GRIK2: variants seen among roughly 807,000 people sequenced by gnomAD.
GRIK2 encodes the protein glutamate receptor ionotropic, kainate 2.
Under a neutral mutation model 100.3 loss-of-function variants are expected in GRIK2, and 32 were observed. The observed-to-expected ratio is 0.32, with a 90% CI of 0.24 to 0.43. The LOEUF (loss-of-function observed/expected upper bound fraction) is 0.43, where lower values mean the gene tolerates loss of function less well. Ranked by LOEUF, GRIK2 falls within the 20% of genes least tolerant of loss-of-function variation. The probability of loss-of-function intolerance (pLI) is 1.00; values close to 1 mark genes in which losing one functional copy is unlikely to be tolerated. For synonymous variants in GRIK2, 417 were observed against 389.4 expected (o/e 1.07, Z -0.83); for missense variants, 843 against 1,114.9 (o/e 0.76, Z 3.47).
intron 9 of GRIK2, among the ~76,000 whole-genome samples, chr6:101,807,597 C>CTG (rs1757736877): frequency 6.6e-6 from 1 of 151,758 alleles, no homozygotes; most frequent in Non-Finnish European, 1.5e-5. Context: ...CTCAGGTGTG[C>CTG]TGTGATTGGA....
chr6:101,569,553 T>A (rs1387877909), intron 2 of GRIK2, among the ~76,000 whole-genome samples: 2 of 151,916 alleles, frequency 1.3e-5, no homozygotes, highest in African/African-American at 4.8e-5. Context: ...AGTGTGTTTG[T>A]AAACACATGT....
At chr6:101,487,624 A>G (rs1772896879) in intron 2 of GRIK2, among the ~76,000 whole-genome samples, 1 of 147,068 alleles carries the variant, frequency 6.8e-6, no homozygotes, top group African/African-American at 2.6e-5. Flanking sequence ...GTAGTACACA[A>G]AATATAATAT....
At chr6:101,750,410 C>A (rs1310429739) in intron 7 of GRIK2, among the ~76,000 whole-genome samples, 1 of 152,056 alleles carries the variant, frequency 6.6e-6, no homozygotes. Context: ...CTCACCGAGG[C>A]CCAGATAAAT....
chr6:101,796,800 C>T (rs767922761), intron 7 of GRIK2, among the ~76,000 whole-genome samples: 2 of 152,070 alleles, frequency 1.3e-5, no homozygotes, highest in Non-Finnish European at 2.9e-5. Context: ...CTTACCTTAC[C>T]CTTCCAAGTA....
chr6:101,987,583 A>T (rs1278760758), intron 14 of GRIK2, among the ~76,000 whole-genome samples: 3 of 151,056 alleles, frequency 2.0e-5, no homozygotes, highest in Non-Finnish European at 4.4e-5. Context: ...ATGACATCCT[A>T]TTAAACACTA....
At chr6:101,839,808 CT>C (rs1324436908) in intron 10 of GRIK2, among the ~76,000 whole-genome samples, 41 of 151,890 alleles carry the variant, frequency 2.7e-4, no homozygotes, top group Admixed American at 2.7e-3. Context: ...AGGAAGACAT[CT>C]TTCTGATAAA....
At chr6:101,624,148 A>G (rs1055337007) in intron 3 of GRIK2, among the ~76,000 whole-genome samples, 46 of 152,080 alleles carry the variant, frequency 3.0e-4, no homozygotes, top group African/African-American at 9.4e-4. Flanking sequence ...TAGAGCTTGA[A>G]TTATTGTTTG....
chr6:101,506,182 C>T (rs1442669560), intron 2 of GRIK2, among the ~76,000 whole-genome samples: 1 of 152,146 alleles, frequency 6.6e-6, no homozygotes, highest in Non-Finnish European at 1.5e-5. Context: ...TTAACATCCA[C>T]TAGCTGAACT....
chr6:101,433,629 G>A (rs560124951), intron 2 of GRIK2, among the ~76,000 whole-genome samples: 29 of 151,752 alleles, frequency 1.9e-4, no homozygotes, highest in Admixed American at 7.9e-4. Context: ...CCTACCTCAG[G>A]TACTATTCTT....
intron 2 of GRIK2, among the ~76,000 whole-genome samples, chr6:101,598,990 G>A (rs1343567072): frequency 2.0e-5 from 3 of 151,580 alleles, no homozygotes; most frequent in Non-Finnish European, 2.9e-5. Flanking sequence ...GCTGAGGTTT[G>A]GGATATTAAT....
In GRIK2 at chr6:101,935,226, A is replaced by G. The variant is rs147999692; in HGVS notation, c.2085+6594A>G. Reference sequence around the variant, plus strand: ...TTATGGTACTTCAGTAAGTATAGGGAGGATGTGTAAATAGCTACTCACTTG... The same window carrying G: ...TTATGGTACTTCAGTAAGTATAGGGGGGATGTGTAAATAGCTACTCACTTG... On this transcript the variant is annotated intron_variant, in intron 14 of 16. Transcript: ENST00000369134. Among the ~76,000 whole-genome samples the G allele has an allele frequency of 2.6e-4, 40 of 152,054 alleles. No individual in the cohort carries two copies. In the East Asian group the frequency reaches 7.5e-3, roughly 29 times the overall value.
chr6:101,863,861 G>C (rs1163879411), intron 11 of GRIK2, among the ~76,000 whole-genome samples: 2 of 152,146 alleles, frequency 1.3e-5, no homozygotes, highest in Non-Finnish European at 2.9e-5. Context: ...GGATTGGCCG[G>C]GCGCGGTGGC....
At chr6:101,674,305 G>A (rs1265094551) in intron 4 of GRIK2, among the ~76,000 whole-genome samples, 2 of 152,144 alleles carry the variant, frequency 1.3e-5, no homozygotes, top group Admixed American at 1.3e-4. Context: ...ATTCTAAATT[G>A]GTTGTTTAGA....
chr6:101,885,834 C>T (rs1182467391), intron 11 of GRIK2, among the ~76,000 whole-genome samples: 1 of 151,932 alleles, frequency 6.6e-6, no homozygotes, highest in Non-Finnish European at 1.5e-5. Flanking sequence ...TTTCCATTTC[C>T]ATACACATTT....
At chr6:101,817,394 T>G (rs2128421412) in intron 9 of GRIK2, among the ~76,000 whole-genome samples, 1 of 152,350 alleles carries the variant, frequency 6.6e-6, no homozygotes, top group South Asian at 2.1e-4. Context: ...TTGATAGTTT[T>G]CCTTTTCTTT....
chr6:101,692,112 G>C (rs1292098200), intron 7 of GRIK2, among the ~76,000 whole-genome samples: 2 of 146,470 alleles, frequency 1.4e-5, no homozygotes, highest in East Asian at 2.0e-4. Flanking sequence ...GAACAGAACA[G>C]ACAGGCTTTT....
intron 2 of GRIK2, among the ~76,000 whole-genome samples, chr6:101,544,051 C>T (rs370679448): frequency 8.1e-4 from 123 of 152,192 alleles, no homozygotes; most frequent in South Asian, 4.6e-3. Context: ...AATAAACAGA[C>T]ACTAGGTTTT....
At chr6:101,808,182 T>C (rs1781120848) in intron 9 of GRIK2, among the ~76,000 whole-genome samples, 1 of 151,992 alleles carries the variant, frequency 6.6e-6, no homozygotes, top group Admixed American at 6.6e-5. Flanking sequence ...AGGAAGATCT[T>C]AGACTGTAAC....
At chr6:101,528,079 T>G (rs1314075789) in intron 2 of GRIK2, among the ~76,000 whole-genome samples, 2 of 152,068 alleles carry the variant, frequency 1.3e-5, no homozygotes, top group Non-Finnish European at 2.9e-5. Context: ...CTCAATTTCT[T>G]CAACTGTAAG....
Sources: gnomAD v4.1 joint callset for allele counts (sites outside exome capture counted in the v4.1 genomes callset) on GRCh38, gnomAD v4.1.1 for gene constraint, MANE v1.5 for transcripts, NCBI Gene and HGNC (gene_info 2026-07-23, HGNC 2026-07-21) for gene names.